Variants in SCAP observed in about 807,000 individuals in gnomAD.
SCAP encodes the protein SREBF chaperone.
SCAP carries 65 observed loss-of-function variants against 123.6 expected under a neutral mutation model. The observed-to-expected ratio is 0.53, with a 90% CI of 0.43 to 0.65. The LOEUF is 0.65. SCAP is among the 30% of genes least tolerant of loss of function. The pLI, the probability that SCAP is intolerant of heterozygous loss-of-function variation, is 0.00. For synonymous variants in SCAP, 740 were observed against 726.3 expected (o/e 1.02, Z -0.30); for missense variants, 1,398 against 1,712.5 (o/e 0.82, Z 3.24).
rs189710681 is a variant in SCAP, at chr3:47,418,905, C to G, written c.1941-62G>C. 6.3e-6 allele frequency: 9 copies of G among 1,417,534 alleles called. No homozygotes were observed. In the African/African-American group the frequency reaches 1.0e-4, roughly 16 times the overall value. 87.8% of individuals were successfully genotyped at this position (1,417,534 alleles called of 1,614,324 possible). On this transcript the variant is annotated intron_variant, in intron 13 of 22. Coordinates refer to ENST00000265565, the MANE Select transcript of SCAP (RefSeq NM_012235.4). The stretch of plus-strand genomic sequence containing the variant: ...TCCCAGGGCTTCCTCCTGCTGTGCT[C>G]GCCAGCCAGTCCTCTCCCTCCTCCC...
In SCAP at chr3:47,439,211, C is replaced by G. The variant is rs1559554625; in HGVS notation, c.122+3661G>C. Among the ~76,000 whole-genome samples, 1 of 152,032 alleles carries G rather than the reference C, an allele frequency of 6.6e-6. No individual in the cohort carries two copies. Among genetic ancestry groups the G allele is most frequent in the Non-Finnish European group, 1.5e-5 (1 of 68,020 alleles). ...GTTACTTGAGGTCAGGAGTTTGACA[C>G]CAGTCTGGCCAACATGGTGAAACCC... On this transcript the variant is annotated intron_variant, in intron 2 of 22. Transcript: ENST00000265565. This position sits in a 1 kb window ranked among gnomAD's most constrained non-coding sequence, Gnocchi z 4.0.
At chr3:47,443,209 G>A in intron 1 of SCAP, 118 bp from the exon 2 acceptor site, 4 of 521,814 alleles carry the variant, frequency 7.7e-6, no homozygotes, top group Middle Eastern at 6.8e-4. Flanking sequence ...CTATATGCAA[G>A]GTCTAGTGAC....
rs1017110490 is a variant in SCAP, at chr3:47,424,950, G to C, written c.1037+535C>G. Among the ~76,000 whole-genome samples, 5 of 152,258 alleles carry C rather than the reference G, an allele frequency of 3.3e-5. No homozygotes were observed. In the South Asian group the frequency reaches 1.0e-3, roughly 32 times the overall value. On this transcript the variant is annotated intron_variant, in intron 8 of 22. Transcript: ENST00000265565. ...AAGGTTCAGAGAGGAGTGGCAAGGG[G>C]AAAGTAAACATCAGTGAAAAAGGCG...
In SCAP at chr3:47,422,423, G is replaced by A. The variant is rs1178691703; in HGVS notation, c.1245+19C>T. The A allele has an allele frequency of 1.2e-6, 2 of 1,604,370 alleles. No individual in the cohort carries two copies. The highest frequency in any genetic ancestry group is 3.3e-5 in the Admixed American group (2 of 59,798). ...AGTTGCTTCCATGCTCATCCAGGTG[G>A]CAGGCCTTGGGGCCTTACCTGGATG... is the stretch of plus-strand genomic sequence containing the variant. On this transcript the variant is annotated intron_variant, in intron 10 of 22. Coordinates refer to ENST00000265565, the MANE Select transcript of SCAP (RefSeq NM_012235.4).
rs934159675 is a variant in SCAP, at chr3:47,439,400, C to T, written c.122+3472G>A. ...CTCCAGCCTGGGCGACAGAGTGAGA[C>T]CCCGTCTCAAAATCAAAAACAACAC... On this transcript the variant is annotated intron_variant, in intron 2 of 22. Transcript: ENST00000265565. The surrounding 1 kb of genome is among the most constrained non-coding windows in gnomAD (Gnocchi z 4.0). Among the ~76,000 whole-genome samples the T allele has an allele frequency of 5.3e-5, 8 of 152,178 alleles. No homozygotes were observed. The highest frequency in any genetic ancestry group is 1.4e-4 in the African/African-American group (6 of 41,442).
chr3:47,447,954 G>A (rs1352958294), intron 1 of SCAP, among the ~76,000 whole-genome samples: 2 of 123,488 alleles, frequency 1.6e-5, no homozygotes, highest in Non-Finnish European at 3.2e-5. Context: ...GCAGTAAGCT[G>A]AGATAGTGCC....
At chr3:47,464,236 GA>G (rs1418348313) in intron 1 of SCAP, among the ~76,000 whole-genome samples, 1 of 151,924 alleles carries the variant, frequency 6.6e-6, no homozygotes, top group African/African-American at 2.4e-5. Context: ...GGCTGGTCTT[GA>G]ACTCCTGATC....
chr3:47,445,080 AC>A (rs1706977459), intron 1 of SCAP, among the ~76,000 whole-genome samples: 1 of 151,076 alleles, frequency 6.6e-6, no homozygotes, highest in Non-Finnish European at 1.5e-5. Context: ...CCACTTCATT[AC>A]TTTTTATGGC....
chr3:47,466,725 G>A (rs898909044), intron 1 of SCAP, among the ~76,000 whole-genome samples: 6 of 152,136 alleles, frequency 3.9e-5, no homozygotes, highest in African/African-American at 1.4e-4. Flanking sequence ...ATGATGCTGA[G>A]TTTAGCAAGG....
At chr3:47,471,235 A>G (rs1286361526) in intron 1 of SCAP, among the ~76,000 whole-genome samples, 1 of 152,218 alleles carries the variant, frequency 6.6e-6, no homozygotes, top group East Asian at 1.9e-4. Flanking sequence ...GAGGGATTCA[A>G]CAGTATAAAA....
At position 47,414,036 on chromosome 3, in the gene SCAP, C is replaced by A; in HGVS notation, c.3658G>T (p.Gly1220Cys). ...SDNLLVTGGQGCVSFWDLNYG... is the reference protein window; with the variant it reads ...SDNLLVTGGQCCVSFWDLNYG... The stretch of plus-strand genomic sequence containing the variant: ...TTTAGGTCCCAAAAGGAGACACAGC[C>A]CTGGCCGCCAGTCACCAGCAGGTTG... The change falls in exon 23 of 23, where the codon GGC becomes TGC. Residue 1220 changes from glycine (G) to cysteine (C), a missense_variant. Physicochemically the swap from Gly to Cys is radical, Grantham distance 159. This residue lies in a region of SCAP where 130 missense variants were observed against 166.7 expected (regional missense o/e 0.78). Transcript: ENST00000265565. 1 of 1,613,298 alleles carries A rather than the reference C, an allele frequency of 6.2e-7. No homozygotes were observed. Among genetic ancestry groups the A allele is most frequent in the South Asian group, 1.1e-5 (1 of 91,078 alleles).
chr3:47,424,555 C>T (rs1446135745), intron 8 of SCAP, among the ~76,000 whole-genome samples: 1 of 152,192 alleles, frequency 6.6e-6, no homozygotes, highest in Non-Finnish European at 1.5e-5. Context: ...CTATCTGAGC[C>T]CACTGTCCCA....
chr3:47,426,009 AG>A lies in SCAP; in HGVS notation c.897del (p.Tyr300ThrfsTer40). The A allele has an allele frequency of 6.2e-7, 1 of 1,614,182 alleles. No homozygotes were observed. Among genetic ancestry groups the A allele is most frequent in the Non-Finnish European group, 8.5e-7 (1 of 1,180,020 alleles). On this transcript the variant is annotated frameshift_variant, in exon 7 of 23. Coordinates refer to ENST00000265565, the MANE Select transcript of SCAP (RefSeq NM_012235.4). LOFTEE classifies it high-confidence loss of function. ...VTTYIILFAY[I>X]YFSTRKIDMV... ...GCCATGAACCTACGCGTGGAGAAGT[AG>A]ATGTAGGCAAACAAGATGATGTAGG...
intron 1 of SCAP, among the ~76,000 whole-genome samples, chr3:47,472,063 G>A (rs1468996748): frequency 6.7e-6 from 1 of 150,278 alleles, no homozygotes; most frequent in Non-Finnish European, 1.5e-5. Context: ...CAAGATTGCA[G>A]TAAACCAAGA....
chr3:47,416,793 A>ATTTTTTTTTTTTT (rs566619829), intron 18 of SCAP, among the ~76,000 whole-genome samples: 3 of 149,756 alleles, frequency 2.0e-5, no homozygotes, highest in African/African-American at 7.5e-5. Flanking sequence ...CGCCCGGCTA[A>ATTTTTTTTTTTTT]TTTTTTGTAT....
chr3:47,475,742 G>C (rs1252549146), intron 1 of SCAP, 57 bp downstream of exon 1: 1 of 153,130 alleles, frequency 6.5e-6, no homozygotes, highest in Non-Finnish European at 1.5e-5. Context: ...AGCTCCACGC[G>C]GCTGGGGTCG....
chr3:47,431,549 G>A (rs1281252545), intron 3 of SCAP, among the ~76,000 whole-genome samples: 1 of 152,070 alleles, frequency 6.6e-6, no homozygotes, highest in Non-Finnish European at 1.5e-5. Context: ...GACTTCCCTT[G>A]CTTTTGATGA....
At chr3:47,416,649 C>T (rs1377337267) in intron 18 of SCAP, among the ~76,000 whole-genome samples, 1 of 105,978 alleles carries the variant, frequency 9.4e-6, no homozygotes, top group Admixed American at 1.3e-4. Context: ...TTTTTTGAGA[C>T]GGAGTCTCGC....
chr3:47,440,264 G>A (rs1420532769), intron 2 of SCAP, among the ~76,000 whole-genome samples: 4 of 152,160 alleles, frequency 2.6e-5, no homozygotes, highest in Non-Finnish European at 5.9e-5. Flanking sequence ...ATTTTCTGCA[G>A]GCAATCCCAG....
Sources: gnomAD v4.1 joint callset for allele counts (sites outside exome capture counted in the v4.1 genomes callset) on GRCh38, gnomAD v4.1.1 for gene constraint, gnomAD v4.1.1 regional missense constraint, Gnocchi (gnomAD v3.1) non-coding constraint, MANE v1.5 for transcripts, NCBI Gene and HGNC (gene_info 2026-07-23, HGNC 2026-07-21) for gene names.